The following PABPC4L variants were observed in gnomAD, a reference collection of about 807,000 sequenced individuals.
PABPC4L encodes polyadenylate-binding protein 4-like.
For missense variants in PABPC4L, 452 were observed against 451.4 expected, an observed-to-expected ratio of 1.00 and a Z score of -0.01; for synonymous variants, 169 against 164.1, an observed-to-expected ratio of 1.03 and a Z score of -0.23.
At chr4:134,112,569 A>ACTATCTAT in the PABPC4L span, among the ~76,000 whole-genome samples, 2,047 of 147,932 alleles carry the variant, frequency 0.014, 20 homozygotes, top group East Asian at 0.019. Flanking sequence ...GCTCCACGTA[A>ACTATCTAT]CTATCTATCT....
At chr4:133,995,667 T>C in the PABPC4L span, among the ~76,000 whole-genome samples, 2 of 152,152 alleles carry the variant, frequency 1.3e-5, no homozygotes, top group African/African-American at 4.8e-5. Context: ...AAGACACTTG[T>C]GCATAGGTTT....
chr4:134,011,768 T>C, the PABPC4L span, among the ~76,000 whole-genome samples: 42 of 152,226 alleles, frequency 2.8e-4, no homozygotes, highest in Admixed American at 5.9e-4. Context: ...TTTAACGATA[T>C]GTAGAAAAAG....
chr4:134,142,422 T>G, the PABPC4L span, among the ~76,000 whole-genome samples: 3 of 151,626 alleles, frequency 2.0e-5, no homozygotes, highest in African/African-American at 7.2e-5. Flanking sequence ...GTGAAGAATA[T>G]GCATAAAAAT....
chr4:134,078,197 A>G, the PABPC4L span, among the ~76,000 whole-genome samples: 2 of 152,192 alleles, frequency 1.3e-5, no homozygotes, highest in African/African-American at 4.8e-5. Context: ...CACAGAAATT[A>G]TTAGAATTAG....
the PABPC4L span, among the ~76,000 whole-genome samples, chr4:134,047,466 C>T: frequency 6.6e-6 from 1 of 152,122 alleles, no homozygotes; most frequent in African/African-American, 2.4e-5. Flanking sequence ...TAGCTAGAGG[C>T]ACGTCTTTGA....
At chr4:133,958,038 A>C in the PABPC4L span, among the ~76,000 whole-genome samples, 2 of 152,310 alleles carry the variant, frequency 1.3e-5, no homozygotes, top group East Asian at 3.9e-4. Flanking sequence ...TTGGCAACTA[A>C]TATTTGGCTC....
chr4:133,989,686 T>G, the PABPC4L span, among the ~76,000 whole-genome samples: 1 of 152,138 alleles, frequency 6.6e-6, no homozygotes, highest in Non-Finnish European at 1.5e-5. Context: ...CAACCTCTGC[T>G]TGTTACCCAG....
chr4:134,019,481 A>G, the PABPC4L span, among the ~76,000 whole-genome samples: 1 of 152,174 alleles, frequency 6.6e-6, no homozygotes. Flanking sequence ...TGAAATACTT[A>G]ATTTGGAGAA....
At chr4:133,995,935 T>C in the PABPC4L span, among the ~76,000 whole-genome samples, 2 of 152,280 alleles carry the variant, frequency 1.3e-5, no homozygotes, top group East Asian at 3.9e-4. Flanking sequence ...GGCTCCCTTT[T>C]CTCTAATTCT....
At chr4:134,084,290 T>G in the PABPC4L span, among the ~76,000 whole-genome samples, 1 of 152,040 alleles carries the variant, frequency 6.6e-6, no homozygotes. Flanking sequence ...CAAGCAATCC[T>G]CCCTCCTCAG....
chr4:133,993,814 G>C, the PABPC4L span, among the ~76,000 whole-genome samples: 1 of 152,202 alleles, frequency 6.6e-6, no homozygotes, highest in East Asian at 1.9e-4. Flanking sequence ...CAGGCAGTGA[G>C]CTGTGGGCTC....
chr4:134,153,643 T>A, the PABPC4L span, among the ~76,000 whole-genome samples: 1 of 141,126 alleles, frequency 7.1e-6, no homozygotes. Flanking sequence ...TTATTCTTTC[T>A]TTCTTTATTT....
chr4:133,996,531 G>A, the PABPC4L span, among the ~76,000 whole-genome samples: 9 of 152,216 alleles, frequency 5.9e-5, no homozygotes, highest in South Asian at 6.2e-4. Context: ...TGAACAAGTC[G>A]CTCAAACTTG....
the PABPC4L span, among the ~76,000 whole-genome samples, chr4:134,130,879 G>T: frequency 6.6e-6 from 1 of 151,886 alleles, no homozygotes; most frequent in East Asian, 1.9e-4. Context: ...ATGCAGGGAC[G>T]GTTTAACATA....
chr4:134,161,797 T>TA, the PABPC4L span, among the ~76,000 whole-genome samples: 13 of 152,134 alleles, frequency 8.5e-5, no homozygotes, highest in East Asian at 2.5e-3. Context: ...CTGCAGTAAG[T>TA]AAAAAAGCTC....
the PABPC4L span, among the ~76,000 whole-genome samples, chr4:134,164,066 A>T: frequency 6.6e-6 from 1 of 151,420 alleles, no homozygotes; most frequent in Non-Finnish European, 1.5e-5. Context: ...GATCGAGACC[A>T]TCCCGGCTAA....
chr4:134,011,070 T>A, the PABPC4L span, among the ~76,000 whole-genome samples: 1 of 152,272 alleles, frequency 6.6e-6, no homozygotes, highest in Non-Finnish European at 1.5e-5. Context: ...TTCCTCTGAA[T>A]AATTTTTAAA....
the PABPC4L span, among the ~76,000 whole-genome samples, chr4:133,962,891 A>T: frequency 6.6e-6 from 1 of 152,212 alleles, no homozygotes; most frequent in Admixed American, 6.5e-5. Flanking sequence ...ACATGTCAAA[A>T]CAGAACATTT....
the PABPC4L span, among the ~76,000 whole-genome samples, chr4:134,169,537 G>A: frequency 6.6e-6 from 1 of 151,768 alleles, no homozygotes; most frequent in African/African-American, 2.4e-5. Context: ...TATATTTAGA[G>A]AAACCTCAAG....
Sources: gnomAD v4.1 joint callset for allele counts (sites outside exome capture counted in the v4.1 genomes callset) on GRCh38, gnomAD v4.1.1 for gene constraint, MANE v1.5 for transcripts, NCBI Gene and HGNC (gene_info 2026-07-23, HGNC 2026-07-21) for gene names.